Variants in PIAS2 observed in about 807,000 individuals in gnomAD.
PIAS2 encodes the protein E3 SUMO-protein ligase PIAS2.
PIAS2 carries 19 observed loss-of-function variants against 69.7 expected under a neutral mutation model. The ratio of observed to expected loss-of-function variants is 0.27; its 90% CI spans 0.19 to 0.40. The LOEUF (loss-of-function observed/expected upper bound fraction) is 0.40, where lower values mean the gene tolerates loss of function less well. PIAS2 is among the 10% of genes least tolerant of loss of function. PIAS2 has a pLI of 1.00. For synonymous variants in PIAS2, 261 were observed against 263.2 expected (o/e 0.99, Z 0.08); for missense variants, 624 against 757.0 (o/e 0.82, Z 2.06).
At chr18:46,884,438 G>A (rs537590611) in intron 2 of PIAS2, among the ~76,000 whole-genome samples, 8 of 151,646 alleles carry the variant, frequency 5.3e-5, no homozygotes, top group African/African-American at 1.5e-4. Flanking sequence ...TCAGCCTCCC[G>A]AGTAGCTGGG....
rs138170007 is a variant in PIAS2, at chr18:46,887,954, T to C, written c.499+2626A>G. Among the ~76,000 whole-genome samples, 7 of 152,282 alleles carry C rather than the reference T, an allele frequency of 4.6e-5. No homozygotes were observed. The East Asian group carries it at 1.2e-3, about 25-fold the overall frequency. ...CCTGTTCACAGATGGTAGGCTCTTATATACAGTAAACCTTAAAGATTTCAC... is the reference window on the plus strand; with the variant it reads ...CCTGTTCACAGATGGTAGGCTCTTACATACAGTAAACCTTAAAGATTTCAC... On this transcript the variant is annotated intron_variant, in intron 2 of 13. Coordinates refer to ENST00000585916, the MANE Select transcript of PIAS2 (RefSeq NM_004671.5).
chr18:46,858,437 G>A (rs1309519697), intron 3 of PIAS2, among the ~76,000 whole-genome samples: 2 of 152,196 alleles, frequency 1.3e-5, no homozygotes, highest in Non-Finnish European at 2.9e-5. Context: ...TTGAAGCTGG[G>A]CGCAGTGGCT....
At chr18:46,824,898 G>A (rs905877726) in intron 11 of PIAS2, among the ~76,000 whole-genome samples, 1 of 151,196 alleles carries the variant, frequency 6.6e-6, no homozygotes, top group Non-Finnish European at 1.5e-5. Flanking sequence ...TACTTGGAGG[G>A]CTGAGGCAGG....
chr18:46,815,264 TA>T, intron 13 of PIAS2, 47 bp downstream of exon 13: 2 of 1,522,214 alleles, frequency 1.3e-6, no homozygotes, highest in Non-Finnish European at 1.8e-6. Context: ...TAGTATGACA[TA>T]ACCAACAATC....
intron 11 of PIAS2, among the ~76,000 whole-genome samples, chr18:46,823,210 A>C (rs1381057684): frequency 6.6e-6 from 1 of 151,976 alleles, no homozygotes; most frequent in Non-Finnish European, 1.5e-5. Context: ...TCTAGCCTAG[A>C]CAACAAAGCA....
At chr18:46,816,520 C>A in intron 12 of PIAS2, 1 of 849,558 alleles carries the variant, frequency 1.2e-6, no homozygotes, top group Non-Finnish European at 1.4e-6. Flanking sequence ...CTCTGTTGCC[C>A]AGGCTGGAGT....
intron 11 of PIAS2, among the ~76,000 whole-genome samples, chr18:46,822,769 G>A (rs1012551309): frequency 6.6e-6 from 1 of 152,088 alleles, no homozygotes; most frequent in Admixed American, 6.6e-5. Context: ...TGGGTAAGGA[G>A]GAGAGAGAGA....
chr18:46,888,775 GA>G (rs2053608310), intron 2 of PIAS2, among the ~76,000 whole-genome samples: 1 of 152,146 alleles, frequency 6.6e-6, no homozygotes, highest in Admixed American at 6.5e-5. Context: ...GATCTGACAG[GA>G]GGTGGAGCTC....
intron 5 of PIAS2, among the ~76,000 whole-genome samples, chr18:46,848,895 A>G (rs1359382043): frequency 2.6e-5 from 4 of 151,954 alleles, no homozygotes; most frequent in African/African-American, 9.7e-5. Context: ...GTCCTCTCAT[A>G]AAGACTCAAG....
intron 12 of PIAS2, chr18:46,818,135 T>C (rs906006550): frequency 3.7e-6 from 4 of 1,086,594 alleles, no homozygotes; most frequent in African/African-American, 3.3e-5. Flanking sequence ...AATTGACTCA[T>C]TAGATTTTTT....
intron 1 of PIAS2, among the ~76,000 whole-genome samples, chr18:46,904,909 G>T (rs1338226357): frequency 1.3e-5 from 2 of 151,810 alleles, no homozygotes; most frequent in Non-Finnish European, 2.9e-5. Context: ...GTTAAAATAT[G>T]GTTTAAAAAT....
intron 1 of PIAS2, among the ~76,000 whole-genome samples, chr18:46,897,724 A>G (rs939012593): frequency 6.6e-6 from 1 of 152,222 alleles, no homozygotes; most frequent in African/African-American, 2.4e-5. Context: ...AATTCTGTTA[A>G]CATGATAACT....
At chr18:46,813,463 T>C (rs956230789) in intron 13 of PIAS2, among the ~76,000 whole-genome samples, 11 of 152,150 alleles carry the variant, frequency 7.2e-5, no homozygotes, top group African/African-American at 2.4e-5. Context: ...TATTTTTATG[T>C]GAGAAACGAC....
rs746643210 is a variant in PIAS2, at chr18:46,827,936, T to C, written c.1508+23A>G. On this transcript the variant is annotated intron_variant, in intron 11 of 13. Transcript: ENST00000585916. Reference sequence around the variant, plus strand: ...AATTAGTTGCAAGGGTAATGAACAATAGTGAACTATAAATTAACAAACCCT... The same window carrying C: ...AATTAGTTGCAAGGGTAATGAACAACAGTGAACTATAAATTAACAAACCCT... The C allele has an allele frequency of 6.8e-6, 11 of 1,607,448 alleles. No homozygotes were observed. The East Asian group carries it at 1.3e-4, about 20-fold the overall frequency.
intron 1 of PIAS2, among the ~76,000 whole-genome samples, chr18:46,892,125 T>C (rs2054164537): frequency 6.6e-6 from 1 of 152,112 alleles, no homozygotes; most frequent in Non-Finnish European, 1.5e-5. Context: ...GGATTCCTTT[T>C]CAACCTGCTT....
intron 1 of PIAS2, among the ~76,000 whole-genome samples, chr18:46,906,693 C>G (rs1399209178): frequency 1.4e-5 from 2 of 144,868 alleles, no homozygotes; most frequent in Non-Finnish European, 3.0e-5. Flanking sequence ...AACTTAGCAG[C>G]AAAATGTAAT....
At chr18:46,840,115 C>A (rs974502823) in intron 8 of PIAS2, among the ~76,000 whole-genome samples, 1 of 151,774 alleles carries the variant, frequency 6.6e-6, no homozygotes, top group Non-Finnish European at 1.5e-5. Flanking sequence ...GAGCTGAGAT[C>A]GTGCCACTGC....
chr18:46,898,311 C>T (rs1239720078), intron 1 of PIAS2, among the ~76,000 whole-genome samples: 1 of 151,906 alleles, frequency 6.6e-6, no homozygotes, highest in Non-Finnish European at 1.5e-5. Flanking sequence ...CCACACCTGG[C>T]TAAATTTTGT....
chr18:46,816,799 C>G, intron 12 of PIAS2: 1 of 984,900 alleles, frequency 1.0e-6, no homozygotes, highest in Non-Finnish European at 1.2e-6. Context: ...ATGTCTGTCA[C>G]TAGCTATATG....
Sources: gnomAD v4.1 joint callset for allele counts (sites outside exome capture counted in the v4.1 genomes callset) on GRCh38, gnomAD v4.1.1 for gene constraint, MANE v1.5 for transcripts, NCBI Gene and HGNC (gene_info 2026-07-23, HGNC 2026-07-21) for gene names.